Variants in ABCC1 observed in about 807,000 individuals in gnomAD.
The protein encoded by ABCC1 is ATP binding cassette subfamily C member 1 (ABCC1 blood group), also known as multidrug resistance-associated protein 1.
In ABCC1, 83 loss-of-function variants were observed where a neutral mutation model predicts 172.9. The observed-to-expected ratio is 0.48, with a 90% CI of 0.40 to 0.58. ABCC1 has a LOEUF of 0.58. Among genes scored for constraint, ABCC1 ranks in the 20% least tolerant of loss-of-function variants. The pLI, the probability that ABCC1 is intolerant of heterozygous loss-of-function variation, is 0.00. For synonymous variants in ABCC1, 937 were observed against 825.2 expected, an observed-to-expected ratio of 1.14 and a Z score of -2.32; for missense variants, 1,817 against 2,002.7, an observed-to-expected ratio of 0.91 and a Z score of 1.77.
At chr16:16,026,432 CAAAAA>C (rs386384354) in intron 5 of ABCC1, among the ~76,000 whole-genome samples, 4 of 59,208 alleles carry the variant, frequency 6.8e-5, no homozygotes, top group East Asian at 5.8e-4. Flanking sequence ...GAAACCGTCT[CAAAAA>C]AAAAAAAAAA....
chr16:16,116,416 C>T (rs1396989290), intron 23 of ABCC1, among the ~76,000 whole-genome samples: 1 of 152,074 alleles, frequency 6.6e-6, no homozygotes, highest in Non-Finnish European at 1.5e-5. Flanking sequence ...CCTACATATC[C>T]TGTTTTTTTC....
intron 1 of ABCC1, among the ~76,000 whole-genome samples, chr16:15,978,213 A>T (rs977988336): frequency 6.6e-6 from 1 of 151,984 alleles, no homozygotes; most frequent in African/African-American, 2.4e-5. Context: ...CTTAAAAAAA[A>T]TTTAGCTAGG....
intron 21 of ABCC1, 60 bp from the exon 22 acceptor site, chr16:16,111,315 G>C: frequency 6.8e-7 from 1 of 1,477,290 alleles, no homozygotes; most frequent in Non-Finnish European, 9.4e-7. Flanking sequence ...ACCTTGTGGG[G>C]CTGGGGCTGG....
At chr16:16,109,861 G>A (rs1262603124) in intron 21 of ABCC1, among the ~76,000 whole-genome samples, 1 of 152,156 alleles carries the variant, frequency 6.6e-6, no homozygotes, top group Non-Finnish European at 1.5e-5. Flanking sequence ...ACTCATTGGT[G>A]GCTTCTGCTT....
rs373696385 is a variant in ABCC1 at position 16,131,876 on chromosome 16, C to T, written c.3907C>T (p.Arg1303Ter). The T allele has an allele frequency of 1.4e-5, 23 of 1,614,078 alleles. No homozygotes were observed. The highest frequency in any genetic ancestry group is 2.2e-5 in the South Asian group (2 of 91,082). Residue 1303 changes from arginine to a stop codon, truncating the protein, a stop_gained, in exon 27 of 31, where the codon CGA becomes TGA. Transcript: ENST00000399410. LOFTEE classifies it high-confidence loss of function. ...VEFRNYCLRY[R>*]EDLDFVLRHI... is the part of the protein sequence containing the mutation. ...ATTCCGGAACTACTGCCTGCGCTAC[C>T]GAGAGGACCTGGACTTCGTTCTCAG...
intron 11 of ABCC1, 137 bp from the exon 12 acceptor site, chr16:16,055,954 GA>G (rs4148345): frequency 0.02 from 11,779 of 603,184 alleles, 2 homozygotes; most frequent in South Asian, 0.026. Flanking sequence ...CTATTGAAAA[GA>G]AAAAAAAAAA....
intron 8 of ABCC1, 77 bp downstream of exon 8, chr16:16,044,757 C>G (rs1597165155): frequency 7.3e-7 from 1 of 1,373,512 alleles, no homozygotes; most frequent in South Asian, 1.2e-5. Context: ...AGTCATAACC[C>G]TGGGGTCATG....
intron 27 of ABCC1, among the ~76,000 whole-genome samples, chr16:16,132,510 G>GTTTTTTTTTTTTTTTTTTTTT (rs71137915): frequency 8.0e-5 from 3 of 37,296 alleles, no homozygotes; most frequent in Admixed American, 3.9e-4. Flanking sequence ...TTGGTTGGTT[G>GTTTTTTTTTTTTTTTTTTTTT]TTTTTTTTTT....
At chr16:16,024,182 G>C (rs1567323612) in intron 5 of ABCC1, among the ~76,000 whole-genome samples, 1 of 152,108 alleles carries the variant, frequency 6.6e-6, no homozygotes, top group Non-Finnish European at 1.5e-5. Flanking sequence ...TCGCGCCACT[G>C]TACTCCAGTC....
At position 16,040,060 on chromosome 16, in the gene ABCC1, T is replaced by TGTA. The variant is rs1555487628; in HGVS notation, c.809+3457_809+3458insGTA. 1.4e-4 allele frequency among the ~76,000 whole-genome samples: 18 copies of TGTA among 131,494 alleles called. No homozygotes were observed. The East Asian group carries it at 2.4e-3, about 18-fold the overall frequency. 86.3% of individuals were successfully genotyped at this position (131,494 alleles called of 152,430 possible). ...GACGTGAGTTCTGTTGTTTGTTTGT[T>TGTA]TGTTTGTATGTATGTATGTATGTAT... is the stretch of plus-strand genomic sequence containing the variant. On this transcript the variant is annotated intron_variant, in intron 7 of 30. Coordinates refer to ENST00000399410, the MANE Select transcript of ABCC1 (RefSeq NM_004996.4).
At chr16:15,988,616 T>C (rs2046793226) in intron 1 of ABCC1, among the ~76,000 whole-genome samples, 1 of 151,998 alleles carries the variant, frequency 6.6e-6, no homozygotes, top group Non-Finnish European at 1.5e-5. Flanking sequence ...CGAGGGTGAG[T>C]GTCAGCTTCA....
At chr16:15,950,064 G>A (rs1464781287) in intron 1 of ABCC1, among the ~76,000 whole-genome samples, 1 of 152,090 alleles carries the variant, frequency 6.6e-6, no homozygotes, top group Non-Finnish European at 1.5e-5. Flanking sequence ...TCGGGTCAGA[G>A]CCGCCGTGAG....
Position 15,949,682 on chromosome 16 carries a change from C to T in ABCC1, c.-70C>T. On this transcript the variant is annotated 5_prime_UTR_variant, in exon 1 of 31. Transcript: ENST00000399410. ...CCGATCACCCGCCGCCCGGTGCCCG[C>T]CGCCGCCCGCGCCAGCAACCGGGCC... 4.1e-6 allele frequency: 4 copies of T among 984,364 alleles called. No individual in the cohort carries two copies. The highest frequency in any genetic ancestry group is 4.9e-6 in the Non-Finnish European group (4 of 823,374). The allele number at this position is 984,364 out of a possible 1,614,324, so 61.0% of individuals were successfully genotyped here.
At chr16:16,122,501 G>A (rs901346424) in intron 24 of ABCC1, among the ~76,000 whole-genome samples, 5 of 152,124 alleles carry the variant, frequency 3.3e-5, no homozygotes, top group African/African-American at 1.2e-4. Context: ...TCTTCATACC[G>A]CTGTTCCCGT....
In ABCC1 at chr16:16,114,852, A is replaced by G. The variant is rs755519863; in HGVS notation, c.3166A>G (p.Ile1056Val). Residue 1056 changes from isoleucine to valine, a missense_variant, in exon 23 of 31, where the codon ATC becomes GTC. By Grantham distance (29) the Ile-to-Val change is conservative (BLOSUM62 3). Around this residue, in one of 3 missense-constraint regions of ABCC1, gnomAD observed 1,412 missense variants for 1,600.3 expected, o/e 0.88. Transcript: ENST00000399410. ...RCLHVDLLHSILRSPMSFFER... is the reference protein window; with the variant it reads ...RCLHVDLLHSVLRSPMSFFER... The stretch of plus-strand genomic sequence containing the variant: ...TCTGCACGTGGACCTGCTGCACAGC[A>G]TCCTGCGGTCACCCATGAGCTTCTT... 1.2e-6 allele frequency: 2 copies of G among 1,614,008 alleles called. No homozygotes were observed. The highest frequency in any genetic ancestry group is 2.2e-5 in the South Asian group (2 of 91,022).
chr16:16,102,655 G>A lies in ABCC1; in HGVS notation c.2673G>A (p.Lys891=). Residue 891 remains lysine, a synonymous_variant, in exon 20 of 31, where the codon AAG becomes AAA. Coordinates refer to ENST00000399410, the MANE Select transcript of ABCC1 (RefSeq NM_004996.4). Reference sequence around the variant, plus strand: ...TCACGGGCGTCAGCGGTCCAGGGAAGGAAGCAAAGCAAATGGAGAATGGCA... The same window carrying A: ...TCACGGGCGTCAGCGGTCCAGGGAAAGAAGCAAAGCAAATGGAGAATGGCA... ...NGVTGVSGPG[K]EAKQMENGML... is the part of the protein sequence containing the mutation. The A allele has an allele frequency of 6.3e-7, 1 of 1,590,876 alleles. No individual in the cohort carries two copies. The highest frequency in any genetic ancestry group is 2.3e-5 in the East Asian group (1 of 44,014).
chr16:15,968,729 A>G (rs1328194127), intron 1 of ABCC1, among the ~76,000 whole-genome samples: 1 of 152,002 alleles, frequency 6.6e-6, no homozygotes, highest in South Asian at 2.1e-4. Flanking sequence ...AAAAACATAT[A>G]TATGTGTATT....
chr16:15,974,826 G>A (rs1392025101), intron 1 of ABCC1, among the ~76,000 whole-genome samples: 8 of 152,206 alleles, frequency 5.3e-5, no homozygotes, highest in East Asian at 3.9e-4. Context: ...TCACTCTGTC[G>A]CCCAGGCTGG....
chr16:15,953,592 G>A (rs192018138), intron 1 of ABCC1, among the ~76,000 whole-genome samples: 5 of 152,228 alleles, frequency 3.3e-5, no homozygotes, highest in East Asian at 1.9e-4. Context: ...GGCACACAGC[G>A]CTCAGTAAAG....
Sources: allele counts gnomAD v4.1 joint callset (sites outside exome capture counted in the v4.1 genomes callset), GRCh38; gene constraint gnomAD v4.1.1; regional missense constraint gnomAD v4.1.1; transcripts MANE v1.5; gene names NCBI Gene and HGNC (gene_info 2026-07-23, HGNC 2026-07-21).